Variants in SLIT1 observed in about 807,000 individuals in gnomAD.
SLIT1 encodes the protein slit homolog 1 protein.
Under a neutral mutation model 186.1 loss-of-function variants are expected in SLIT1, and 66 were observed. That is an observed-to-expected ratio of 0.35 (90% CI 0.29 to 0.44). The LOEUF (loss-of-function observed/expected upper bound fraction) is 0.44, where lower values mean the gene tolerates loss of function less well. Among genes scored for constraint, SLIT1 ranks in the 20% least tolerant of loss-of-function variants. The pLI, the probability that SLIT1 is intolerant of heterozygous loss-of-function variation, is 1.00. For missense variants in SLIT1, 1,638 were observed against 2,037.4 expected (o/e 0.80, Z 3.77); for synonymous variants, 761 against 833.8 (o/e 0.91, Z 1.50).
At chr10:97,147,875 G>T (rs562407214) in intron 4 of SLIT1, among the ~76,000 whole-genome samples, 1 of 152,188 alleles carries the variant, frequency 6.6e-6, no homozygotes, top group African/African-American at 2.4e-5. Flanking sequence ...CTGCACAGCT[G>T]CTCCTTCCAC....
At chr10:97,127,138 A>C (rs28463826) in intron 4 of SLIT1, among the ~76,000 whole-genome samples, 2 of 149,090 alleles carry the variant, frequency 1.3e-5, no homozygotes, top group East Asian at 3.9e-4. Flanking sequence ...AAAAAAAAAC[A>C]AAAAAAATTA....
At chr10:97,040,143 C>G (rs1554846337) in intron 20 of SLIT1, 23 bp from the exon 21 acceptor site, 3 of 1,533,638 alleles carry the variant, frequency 2.0e-6, no homozygotes. Flanking sequence ...GCACGAAGCC[C>G]CTGTCAGGGA....
At chr10:97,185,385 CA>C in intron 1 of SLIT1, 92 bp downstream of exon 1, 1 of 1,293,444 alleles carries the variant, frequency 7.7e-7, no homozygotes, top group African/African-American at 1.5e-5. Context: ...GGACGGGCCC[CA>C]ATGGTCCTGC....
chr10:97,013,798 G>A lies in SLIT1; in HGVS notation c.3146C>T (p.Pro1049Leu), dbSNP rs200058377. The A allele has an allele frequency of 5.9e-5, 91 of 1,551,622 alleles. No individual in the cohort carries two copies. Among genetic ancestry groups the A allele is most frequent in the African/African-American group, 4.1e-4 (30 of 73,168 alleles). The change falls in exon 30 of 37, where the codon CCG becomes CTG. Residue 1049 changes from proline (P) to leucine (L), a missense_variant. Pro to Leu is a moderately conservative substitution (Grantham distance 98, BLOSUM62 -3). Around this residue, in one of 3 missense-constraint regions of SLIT1, gnomAD observed 1,245 missense variants for 1,535.3 expected, o/e 0.81. Coordinates refer to ENST00000266058, the MANE Select transcript of SLIT1 (RefSeq NM_003061.3). ...CTCGTGTTGACATGGGTTCAGATCC[G>A]GAGAGCACAAGTCCACCAGCTGCTC... Reference protein sequence around the residue: ...ACEQLVDLCSPDLNPCQHEAQ... With the variant: ...ACEQLVDLCSLDLNPCQHEAQ...
In SLIT1 at chr10:97,019,045, G is replaced by C. The variant is rs754262677; in HGVS notation, c.2809C>G (p.Gln937Glu). ...AGGGGGTCGTTGTGGCAGGTGCCCT[G>C]GTTCTGGCACGGACTGGACAAGCAG... Reference protein sequence around the residue: ...DLCLSSPCQNQGTCHNDPLEV... With the variant: ...DLCLSSPCQNEGTCHNDPLEV... Residue 937 changes from glutamine (Q) to glutamate (E), a missense_variant, in exon 27 of 37, where the codon CAG (glutamine) becomes GAG (glutamate). Gln to Glu is a conservative substitution (Grantham distance 29). Around this residue, in one of 3 missense-constraint regions of SLIT1, gnomAD observed 1,245 missense variants for 1,535.3 expected, o/e 0.81. Transcript: ENST00000266058. The C allele has an allele frequency of 2.5e-6, 4 of 1,613,972 alleles. No individual in the cohort carries two copies. Among genetic ancestry groups the C allele is most frequent in the Non-Finnish European group, 3.4e-6 (4 of 1,179,958 alleles).
intron 4 of SLIT1, among the ~76,000 whole-genome samples, chr10:97,144,147 G>A (rs1210772987): frequency 1.3e-5 from 2 of 151,462 alleles, no homozygotes; most frequent in East Asian, 1.9e-4. Flanking sequence ...GCAGTGAGCC[G>A]AGATAGCACC....
intron 4 of SLIT1, among the ~76,000 whole-genome samples, chr10:97,087,461 C>T (rs1488708136): frequency 6.6e-6 from 1 of 152,250 alleles, no homozygotes; most frequent in Non-Finnish European, 1.5e-5. Flanking sequence ...AGTCTCAAGC[C>T]TCCTGATAAT....
chr10:97,087,637 C>T lies in SLIT1; in HGVS notation c.414-21551G>A, dbSNP rs138306133. On this transcript the variant is annotated intron_variant, in intron 4 of 36. Transcript: ENST00000266058. ...GCACACAAAGGCTCGCCTCAAAGCA[C>T]GGCTCTCTGCCTGAGCCTCCTGATC... is the stretch of plus-strand genomic sequence containing the variant. 3.4e-3 allele frequency among the ~76,000 whole-genome samples: 518 copies of T among 152,262 alleles called. 5 individuals are homozygous for T. The highest frequency in any genetic ancestry group is 0.012 in the African/African-American group (495 of 41,538).
intron 26 of SLIT1, among the ~76,000 whole-genome samples, chr10:97,019,451 T>C (rs1333440020): frequency 6.6e-6 from 1 of 152,124 alleles, no homozygotes; most frequent in African/African-American, 2.4e-5. Context: ...ACCACCGAAG[T>C]TGGCCAACCC....
At chr10:97,105,996 G>T (rs958583445) in intron 4 of SLIT1, among the ~76,000 whole-genome samples, 13 of 152,354 alleles carry the variant, frequency 8.5e-5, no homozygotes, top group Middle Eastern at 3.4e-3. Flanking sequence ...CCCATGGTGG[G>T]CATCCACCGG....
chr10:97,071,037 T>C (rs1338700158), intron 4 of SLIT1, among the ~76,000 whole-genome samples: 1 of 152,138 alleles, frequency 6.6e-6, no homozygotes, highest in Admixed American at 6.5e-5. Context: ...CTCAAACTCC[T>C]GGCCTCAAGT....
intron 13 of SLIT1, among the ~76,000 whole-genome samples, chr10:97,049,538 G>A (rs1848769119): frequency 1.3e-5 from 2 of 152,242 alleles, no homozygotes; most frequent in African/African-American, 2.4e-5. Flanking sequence ...CAAAACCCAG[G>A]ACTGCAGGCG....
chr10:97,082,864 A>G (rs1258118360), intron 4 of SLIT1, among the ~76,000 whole-genome samples: 3 of 152,082 alleles, frequency 2.0e-5, no homozygotes, highest in South Asian at 2.1e-4. Flanking sequence ...TTTCTGCTCA[A>G]TTTTGCTGTG....
chr10:97,166,569 G>GAAAGAAAGAA (rs1554854788), intron 1 of SLIT1, among the ~76,000 whole-genome samples: 10 of 58,962 alleles, frequency 1.7e-4, no homozygotes, highest in African/African-American at 4.9e-4. Flanking sequence ...GAGAGAGAGA[G>GAAAGAAAGAA]AGAAAGAAAG....
rs1456870785 is a variant in SLIT1 at position 97,095,757 on chromosome 10, C to T, written c.414-29671G>A. Among the ~76,000 whole-genome samples, 6 of 152,198 alleles carry T rather than the reference C, an allele frequency of 3.9e-5. No homozygotes were observed. The South Asian group carries it at 1.0e-3, about 26-fold the overall frequency. On this transcript the variant is annotated intron_variant, in intron 4 of 36. Coordinates refer to ENST00000266058, the MANE Select transcript of SLIT1 (RefSeq NM_003061.3). ...CTCCAGACCCCGGTTCAGAGGCCCT[C>T]GTTTCCTGCACCAGGTGTGTGACCT...
chr10:97,146,559 G>GGC (rs1849819877), intron 4 of SLIT1, among the ~76,000 whole-genome samples: 1 of 149,086 alleles, frequency 6.7e-6, no homozygotes, highest in Non-Finnish European at 1.5e-5. Context: ...AGGTACCCCA[G>GGC]CCCCCCCCAC....
intron 4 of SLIT1, among the ~76,000 whole-genome samples, chr10:97,087,752 G>T (rs764882712): frequency 8.5e-5 from 13 of 152,148 alleles, no homozygotes; most frequent in Non-Finnish European, 1.3e-4. Flanking sequence ...TCCACTCTAA[G>T]CTTGAGCTCC....
rs768955326 is a variant in SLIT1, at chr10:97,063,462, G to A, written c.786C>T (p.Ser262=). The stretch of plus-strand genomic sequence containing the variant: ...GCAGGGGTCTGCACCCACCTGAGCA[G>A]CTGAACTCACTCTTCTGGACCTCTG... ...NVAEVQKSEF[S]CSGQGEAGRV... Residue 262 remains serine (S), a synonymous_variant, in exon 8 of 37, where the codon AGC becomes AGT. Coordinates refer to ENST00000266058, the MANE Select transcript of SLIT1 (RefSeq NM_003061.3). 1.2e-6 allele frequency: 2 copies of A among 1,612,672 alleles called. No individual in the cohort carries two copies. The highest frequency in any genetic ancestry group is 2.2e-5 in the South Asian group (2 of 91,010).
rs36000443 is a variant in SLIT1, at chr10:97,184,018, C to CCA, written c.197+1458_197+1459dup. Among the ~76,000 whole-genome samples, 15,925 of 142,236 alleles carry CCA rather than the reference C, an allele frequency of 0.11. 1,062 individuals are homozygous for CCA. The highest frequency in any genetic ancestry group is 0.19 in the African/African-American group (7,373 of 37,956). The allele number at this position is 142,236 out of a possible 152,430, so 93.3% of individuals were successfully genotyped here. A position where few individuals can be genotyped will look rare whatever the true frequency, so the allele number is the denominator to read the frequency against. ...ATTCACACACACACATACACATGCACCACACACACACACACACACACACAC... is the reference window on the plus strand; with the variant it reads ...ATTCACACACACACATACACATGCACCACACACACACACACACACACACACAC... On this transcript the variant is annotated intron_variant, in intron 1 of 36. Coordinates refer to ENST00000266058, the MANE Select transcript of SLIT1 (RefSeq NM_003061.3). This position sits in a 1 kb window ranked among gnomAD's most constrained non-coding sequence, Gnocchi z 4.4.
Sources: allele counts gnomAD v4.1 joint callset (sites outside exome capture counted in the v4.1 genomes callset), GRCh38; gene constraint gnomAD v4.1.1; regional missense constraint gnomAD v4.1.1; non-coding constraint Gnocchi (gnomAD v3.1); transcripts MANE v1.5; gene names NCBI Gene and HGNC (gene_info 2026-07-23, HGNC 2026-07-21).